Variants in SYNPO observed in about 807,000 individuals in gnomAD.
The protein encoded by SYNPO is synaptopodin.
SYNPO carries 19 observed loss-of-function variants against 49.5 expected under a neutral mutation model. That is an observed-to-expected ratio of 0.38 (90% CI 0.27 to 0.56). SYNPO has a LOEUF of 0.56. SYNPO is among the 20% of genes least tolerant of loss of function. The pLI is 0.68. For synonymous variants in SYNPO, 536 were observed against 548.0 expected, an observed-to-expected ratio of 0.98 and a Z score of 0.31; for missense variants, 1,131 against 1,248.3, an observed-to-expected ratio of 0.91 and a Z score of 1.42.
intron 1 of SYNPO, among the ~76,000 whole-genome samples, chr5:150,606,985 G>C (rs779032993): frequency 6.6e-6 from 1 of 151,796 alleles, no homozygotes; most frequent in Non-Finnish European, 1.5e-5. Flanking sequence ...TTGGATAACT[G>C]TTGACAAAAC....
chr5:150,648,174 C>A lies in SYNPO; in HGVS notation c.-102C>A. On this transcript the variant is annotated 5_prime_UTR_variant, in exon 2 of 3. Transcript: ENST00000307662. This position sits in a 1 kb window ranked among gnomAD's most constrained non-coding sequence, Gnocchi z 5.0. ...AGTGCTCCCTTCAAGCCTCCCAGGC[C>A]ATGCACCGGGGCTCAGCCTGAGTTC... is the stretch of plus-strand genomic sequence containing the variant. The A allele has an allele frequency of 6.4e-7, 1 of 1,566,962 alleles. No homozygotes were observed. The highest frequency in any genetic ancestry group is 8.7e-7 in the Non-Finnish European group (1 of 1,155,378).
chr5:150,656,767 C>T lies in SYNPO; in HGVS notation c.2392C>T (p.Pro798Ser). 8.2e-7 allele frequency: 1 copy of T among 1,226,078 alleles called. No homozygotes were observed. Among genetic ancestry groups the T allele is most frequent in the Non-Finnish European group, 1.0e-6 (1 of 990,558 alleles). 75.9% of individuals were successfully genotyped at this position (1,226,078 alleles called of 1,614,324 possible). The part of the protein sequence containing the change: ...APPPPPPPPP[P>S]PPRMRSPQPA... ...ACCGCCCCCGCCCCCGCCCCCGCCCCCGCCCCCGCGCATGCGCTCGCCACA... is the reference window on the plus strand; with the variant it reads ...ACCGCCCCCGCCCCCGCCCCCGCCCTCGCCCCCGCGCATGCGCTCGCCACA... Residue 798 changes from proline (P) to serine (S), a missense_variant, in exon 3 of 3, where the codon CCG becomes TCG. This residue lies in a region of SYNPO where 509 missense variants were observed against 484.5 expected (regional missense o/e 1.05). Coordinates refer to ENST00000307662, the MANE Select transcript of SYNPO (RefSeq NM_007286.6).
chr5:150,651,091 G>A (rs1268074217), intron 2 of SYNPO: 3 of 1,120,400 alleles, frequency 2.7e-6, no homozygotes, highest in African/African-American at 1.6e-5. Context: ...CGCTCTAGGG[G>A]TGGGGGACGT....
Position 150,640,983 on chromosome 5 carries a change from A to G in SYNPO, c.-333+129A>G, listed in dbSNP as rs144081754. On this transcript the variant is annotated intron_variant, in intron 1 of 2. Coordinates refer to ENST00000307662, the MANE Select transcript of SYNPO (RefSeq NM_007286.6). Reference sequence around the variant, plus strand: ...GGAGAGGTATGTGGTGATTTCTGCCAGCCTGTGAGTGGTGAGGCGGGGGCT... The same window carrying G: ...GGAGAGGTATGTGGTGATTTCTGCCGGCCTGTGAGTGGTGAGGCGGGGGCT... 797 of 436,196 alleles carry G rather than the reference A, an allele frequency of 1.8e-3. 7 individuals are homozygous for G. Among genetic ancestry groups the G allele is most frequent in the African/African-American group, 0.016 (762 of 46,794 alleles). 27.0% of individuals were successfully genotyped at this position (436,196 alleles called of 1,614,324 possible). A position where few individuals can be genotyped will look rare whatever the true frequency, so the allele number is the denominator to read the frequency against.
At chr5:150,602,076 G>T (rs535735624) in intron 1 of SYNPO, among the ~76,000 whole-genome samples, 2 of 152,196 alleles carry the variant, frequency 1.3e-5, no homozygotes, top group Non-Finnish European at 2.9e-5. Flanking sequence ...ACTCATCGGG[G>T]GCACAGAGGA....
chr5:150,646,122 G>T (rs1239034507), intron 1 of SYNPO, among the ~76,000 whole-genome samples: 6 of 151,736 alleles, frequency 4.0e-5, no homozygotes, highest in African/African-American at 1.5e-4. Flanking sequence ...TTGGGCCCAG[G>T]AGTTTGAGAC....
chr5:150,640,641 T>C (rs1299551702), upstream of SYNPO: 2 of 985,432 alleles, frequency 2.0e-6, no homozygotes, highest in African/African-American at 3.5e-5. Context: ...TAAAAGGCTG[T>C]TGCAAAATCG....
At chr5:150,607,171 C>T (rs1234691959) in intron 1 of SYNPO, among the ~76,000 whole-genome samples, 3 of 151,904 alleles carry the variant, frequency 2.0e-5, no homozygotes, top group Non-Finnish European at 4.4e-5. Context: ...TGCCAACTGC[C>T]TAGGTACAGG....
rs398050294 is a variant in SYNPO, at chr5:150,657,442, A to T, written c.*355A>T. 15,507 of 172,758 alleles carry T rather than the reference A, an allele frequency of 0.09. 831 individuals are homozygous for T. The highest frequency in any genetic ancestry group is 0.19 in the African/African-American group (6,175 of 33,178). The allele number at this position is 172,758 out of a possible 1,614,324, so 10.7% of individuals were successfully genotyped here. ...CTCTCTCTCTCTCTCTCACACACAC[A>T]CACACACACACACACACACACACAC... On this transcript the variant is annotated 3_prime_UTR_variant, in exon 3 of 3. Coordinates refer to ENST00000307662, the MANE Select transcript of SYNPO (RefSeq NM_007286.6).
At chr5:150,656,334 C>T in intron 2 of SYNPO, 70 bp from the exon 3 acceptor site, 2 of 1,286,278 alleles carry the variant, frequency 1.6e-6, no homozygotes, top group Non-Finnish European at 1.1e-6. Context: ...CGGACTCCGT[C>T]CCTTCCTAAA....
rs762693766 is a variant in SYNPO at position 150,650,046 on chromosome 5, G to A, written c.1771G>A (p.Ala591Thr). Residue 591 changes from alanine to threonine, a missense_variant, in exon 2 of 3, where the codon GCC becomes ACC. By Grantham distance (58) the Ala-to-Thr change is moderately conservative (BLOSUM62 0). Around this residue, in one of 4 missense-constraint regions of SYNPO, gnomAD observed 509 missense variants for 484.5 expected, o/e 1.05. Transcript: ENST00000307662. ...GGTCTCACCAAGAGCTGCCTCGCCC[G>A]CCAAGCCCAGCTCCTTGGACCTGGT... Reference protein sequence around the residue: ...AKVSPRAASPAKPSSLDLVPN... With the variant: ...AKVSPRAASPTKPSSLDLVPN... 5.5e-5 allele frequency: 89 copies of A among 1,612,604 alleles called. No homozygotes were observed. Among genetic ancestry groups the A allele is most frequent in the South Asian group, 2.1e-4 (19 of 91,088 alleles).
chr5:150,601,531 G>A (rs1756541693), intron 1 of SYNPO, among the ~76,000 whole-genome samples: 1 of 152,220 alleles, frequency 6.6e-6, no homozygotes, highest in Admixed American at 6.5e-5. Flanking sequence ...AAGTGAGAGT[G>A]TGTCAGAGTG....
At chr5:150,626,639 C>T (rs968604646) in intron 2 of SYNPO, among the ~76,000 whole-genome samples, 2 of 152,212 alleles carry the variant, frequency 1.3e-5, no homozygotes, top group African/African-American at 4.8e-5. Context: ...ACTCCCCATC[C>T]CTTAAGGTAG....
chr5:150,644,841 G>T (rs1397544367), intron 1 of SYNPO, among the ~76,000 whole-genome samples: 1 of 152,166 alleles, frequency 6.6e-6, no homozygotes, highest in Non-Finnish European at 1.5e-5. Flanking sequence ...ATGGCTAATA[G>T]ACATCTTTAA....
At chr5:150,628,266 G>A (rs1461669431) in intron 2 of SYNPO, among the ~76,000 whole-genome samples, 1 of 152,144 alleles carries the variant, frequency 6.6e-6, no homozygotes, top group East Asian at 1.9e-4. Flanking sequence ...TTTCCACTCG[G>A]TGAGGCAGGG....
At chr5:150,618,441 T>A (rs769258866) in exon 2 of SYNPO, 1 of 1,551,554 alleles carries the variant, frequency 6.4e-7, no homozygotes, top group Non-Finnish European at 8.7e-7. Context: ...GCCTTCCAGA[T>A]CCCTGATGGA....
At chr5:150,627,506 G>A (rs1314644307) in intron 2 of SYNPO, among the ~76,000 whole-genome samples, 2 of 152,246 alleles carry the variant, frequency 1.3e-5, no homozygotes, top group African/African-American at 4.8e-5. Flanking sequence ...AAGACAGACA[G>A]GCCCCTGCCC....
rs1758622932 is a variant in SYNPO at position 150,657,531 on chromosome 5, C to G, written c.*444C>G. On this transcript the variant is annotated 3_prime_UTR_variant, in exon 3 of 3. Transcript: ENST00000307662. Reference sequence around the variant, plus strand: ...GTGTGTATATGGACCCCTGGACTTGCTACCTTCAGGGTTCCATACTCGTCC... The same window carrying G: ...GTGTGTATATGGACCCCTGGACTTGGTACCTTCAGGGTTCCATACTCGTCC... The G allele has an allele frequency of 6.1e-6, 1 of 165,260 alleles. No homozygotes were observed. The highest frequency in any genetic ancestry group is 6.0e-5 in the Admixed American group (1 of 16,770). The allele number at this position is 165,260 out of a possible 1,614,324, so 10.2% of individuals were successfully genotyped here. A position where few individuals can be genotyped will look rare whatever the true frequency, so the allele number is the denominator to read the frequency against.
chr5:150,587,539 G>T, the SYNPO span, among the ~76,000 whole-genome samples: 1 of 152,132 alleles, frequency 6.6e-6, no homozygotes, highest in Non-Finnish European at 1.5e-5. Flanking sequence ...ATGGATGTCT[G>T]GGTGGAACTT....
Sources: allele counts gnomAD v4.1 joint callset (sites outside exome capture counted in the v4.1 genomes callset), GRCh38; gene constraint gnomAD v4.1.1; regional missense constraint gnomAD v4.1.1; non-coding constraint Gnocchi (gnomAD v3.1); transcripts MANE v1.5; gene names NCBI Gene and HGNC (gene_info 2026-07-23, HGNC 2026-07-21).